The following TDRKH variants were observed in gnomAD, a reference collection of about 807,000 sequenced individuals.
The protein encoded by TDRKH is tudor and KH domain containing.
TDRKH carries 28 observed loss-of-function variants against 61.3 expected under a neutral mutation model. That is an observed-to-expected ratio of 0.46 (90% confidence interval 0.34 to 0.63). TDRKH has a LOEUF of 0.63. TDRKH is among the 20% of genes least tolerant of loss of function. The pLI is 0.01. For synonymous variants in TDRKH, 219 were observed against 244.4 expected (o/e 0.90, Z 0.97); for missense variants, 540 against 683.4 (o/e 0.79, Z 2.34).
At chr1:151,782,473 T>G (rs902751986) in intron 2 of TDRKH, among the ~76,000 whole-genome samples, 10 of 150,092 alleles carry the variant, frequency 6.7e-5, no homozygotes, top group Admixed American at 3.3e-4. Context: ...CTAAATAATT[T>G]TAGTCAAAGA....
At chr1:151,774,982 C>T in intron 11 of TDRKH, 83 bp downstream of exon 11, 3 of 1,466,022 alleles carry the variant, frequency 2.0e-6, no homozygotes, top group East Asian at 2.3e-5. Context: ...GGAAAGCTAA[C>T]ACAGTATCAG....
downstream of TDRKH, chr1:151,770,243 A>T (rs771621051): frequency 1.2e-6 from 2 of 1,613,630 alleles, no homozygotes; most frequent in Non-Finnish European, 1.7e-6. Flanking sequence ...TTCCAGAATG[A>T]TCGGAACGAC....
chr1:151,770,100 G>A, downstream of TDRKH: 31 of 453,878 alleles, frequency 6.8e-5, no homozygotes, highest in Non-Finnish European at 1.1e-4. Flanking sequence ...GGAGACCATG[G>A]GGAGACGGAG....
downstream of TDRKH, chr1:151,770,530 C>A: frequency 2.6e-6 from 1 of 388,392 alleles, no homozygotes; most frequent in Non-Finnish European, 4.6e-6. Context: ...ATGTGGCCAG[C>A]AGGACAAAAT....
At chr1:151,786,908 G>A (rs191812134) in intron 1 of TDRKH, among the ~76,000 whole-genome samples, 1 of 152,252 alleles carries the variant, frequency 6.6e-6, no homozygotes, top group East Asian at 1.9e-4. Flanking sequence ...TAGAATGTAG[G>A]ACAGAAAGGG....
At chr1:151,766,675 C>T, downstream of TDRKH, 1 of 1,550,310 alleles carries the variant, frequency 6.5e-7, no homozygotes, top group African/African-American at 1.4e-5. Flanking sequence ...CCTCTGCCAC[C>T]CACCTGTGAA....
At chr1:151,770,236 C>T (rs1335190141), downstream of TDRKH, 1 of 1,613,632 alleles carries the variant, frequency 6.2e-7, no homozygotes, top group Admixed American at 1.7e-5. Flanking sequence ...TGTGAACTTC[C>T]AGAATGATCG....
chr1:151,771,235 C>A (rs760890606), downstream of TDRKH: 4 of 1,609,440 alleles, frequency 2.5e-6, no homozygotes, highest in East Asian at 6.7e-5. Flanking sequence ...CTTATTCCAA[C>A]GCTTTGAGGG....
intron 4 of TDRKH, 56 bp from the exon 5 acceptor site, chr1:151,779,298 T>C (rs2101596737): frequency 6.3e-7 from 1 of 1,589,236 alleles, no homozygotes; most frequent in Non-Finnish European, 8.5e-7. Context: ...CCTTAGCTAC[T>C]GGAGAAATCA....
intron 2 of TDRKH, 34 bp from the exon 3 acceptor site, chr1:151,781,621 GATA>G (rs1393264107): frequency 6.3e-7 from 1 of 1,596,524 alleles, no homozygotes; most frequent in Non-Finnish European, 8.6e-7. Context: ...ATCAGACTTA[GATA>G]ACACCCAAAG....
chr1:151,767,928 C>T, downstream of TDRKH: 1 of 1,166,308 alleles, frequency 8.6e-7, no homozygotes, highest in Non-Finnish European at 1.2e-6. Context: ...GATATTATTG[C>T]ATCTTTAAGA....
At position 151,784,489 on chromosome 1, in the gene TDRKH, T is replaced by C. The variant is rs576151662; in HGVS notation, c.-27-1440A>G. 3.9e-5 allele frequency among the ~76,000 whole-genome samples: 6 copies of C among 152,204 alleles called. No homozygotes were observed. In the South Asian group the frequency reaches 1.2e-3, roughly 31 times the overall value. On this transcript the variant is annotated intron_variant, in intron 1 of 12. Coordinates refer to ENST00000368824, the MANE Select transcript of TDRKH (RefSeq NM_001083965.2). ...TCACCAATGATTTCATACTGCTCAA[T>C]CCAAAGATCGATTCTCAGTTTTCAT...
intron 2 of TDRKH, 105 bp downstream of exon 2, chr1:151,782,794 A>G: frequency 7.0e-7 from 1 of 1,423,450 alleles, no homozygotes; most frequent in South Asian, 1.6e-5. Context: ...AAAAACCCCA[A>G]AACAAAACAC....
downstream of TDRKH, chr1:151,768,155 A>G: frequency 6.2e-7 from 1 of 1,613,860 alleles, no homozygotes; most frequent in Non-Finnish European, 8.5e-7. Flanking sequence ...ACCTCTGCCC[A>G]TTGGCACGGC....
Position 151,774,254 on chromosome 1 carries a change from G to C in TDRKH, c.*198C>G. On this transcript the variant is annotated 3_prime_UTR_variant, in exon 13 of 13. Coordinates refer to ENST00000368824, the MANE Select transcript of TDRKH (RefSeq NM_001083965.2). ...TGCCAAAGACAGAAATACACAAAAAGCTTGAAAGTGCTCAATCTGAGAGCA... is the reference window on the plus strand; with the variant it reads ...TGCCAAAGACAGAAATACACAAAAACCTTGAAAGTGCTCAATCTGAGAGCA... 3.4e-6 allele frequency: 2 copies of C among 594,076 alleles called. No individual in the cohort carries two copies. The highest frequency in any genetic ancestry group is 4.5e-4 in the Middle Eastern group (1 of 2,234). 36.8% of individuals were successfully genotyped at this position (594,076 alleles called of 1,614,324 possible).
chr1:151,786,052 A>C (rs141285022), intron 1 of TDRKH, among the ~76,000 whole-genome samples: 1 of 152,328 alleles, frequency 6.6e-6, no homozygotes, highest in East Asian at 1.9e-4. Context: ...CCCTGGGGGG[A>C]AAAACTGGCT....
chr1:151,780,063 A>AC lies in TDRKH; in HGVS notation c.308dup (p.Pro105SerfsTer23). ...TGGCCTTGCACACCTGAACAGGAAAACCACTGATAAGCAGCACTCGCTCAT... is the reference window on the plus strand; with the variant it reads ...TGGCCTTGCACACCTGAACAGGAAAACCCACTGATAAGCAGCACTCGCTCAT... On this transcript the variant is annotated frameshift_variant, in exon 4 of 13. Coordinates refer to ENST00000368824, the MANE Select transcript of TDRKH (RefSeq NM_001083965.2). LOFTEE classifies it high-confidence loss of function. 1 of 1,614,164 alleles carries AC rather than the reference A, an allele frequency of 6.2e-7. No individual in the cohort carries two copies. The highest frequency in any genetic ancestry group is 8.5e-7 in the Non-Finnish European group (1 of 1,180,028).
Position 151,775,465 on chromosome 1 carries a change from T to C in TDRKH, c.1361A>G (p.Lys454Arg), listed in dbSNP as rs1649069034. The C allele has an allele frequency of 1.1e-5, 17 of 1,614,202 alleles. No homozygotes were observed. Among genetic ancestry groups the C allele is most frequent in the Non-Finnish European group, 1.4e-5 (17 of 1,180,038 alleles). ...CCCAGTCTGGACATAGCTAGAGATC[T>C]TGGCTACCAGAGGCTTCCAGTCAGC... ...HCADWKPLVA[K>R]ISSYVQTGIS... Residue 454 changes from lysine (K) to arginine (R), a missense_variant, in exon 10 of 13, where the codon AAG (lysine) becomes AGG (arginine). Physicochemically the swap from Lys to Arg is conservative, Grantham distance 26. Transcript: ENST00000368824.
Position 151,781,502 on chromosome 1 carries a change from C to T in TDRKH, c.210G>A (p.Arg70=). The change falls in exon 3 of 13, where the codon CGG becomes CGA. Residue 70 remains arginine (R), a synonymous_variant. Transcript: ENST00000368824. ...PQEAVKLIIG[R]QGANIKQLRK... is the part of the protein sequence containing the mutation. Reference sequence around the variant, plus strand: ...TTACCTGTTTAATATTGGCTCCTTGCCGGCCAATGATGAGTTTCACAGCCT... The same window carrying T: ...TTACCTGTTTAATATTGGCTCCTTGTCGGCCAATGATGAGTTTCACAGCCT... 3 of 1,613,410 alleles carry T rather than the reference C, an allele frequency of 1.9e-6. No homozygotes were observed. The highest frequency in any genetic ancestry group is 2.5e-6 in the Non-Finnish European group (3 of 1,179,798).
Sources: gnomAD v4.1 joint callset for allele counts (sites outside exome capture counted in the v4.1 genomes callset) on GRCh38, gnomAD v4.1.1 for gene constraint, MANE v1.5 for transcripts, NCBI Gene and HGNC (gene_info 2026-07-23, HGNC 2026-07-21) for gene names.